The following SCD5 variants were observed in gnomAD, a reference collection of about 807,000 sequenced individuals.
SCD5 encodes the protein acyl-CoA-desaturase 4.
A neutral mutation model predicts 30.4 loss-of-function variants in SCD5; 20 were observed. The observed-to-expected ratio is 0.66, with a 90% CI of 0.46 to 0.96. SCD5 has a LOEUF of 0.96. Among genes scored for constraint, SCD5 ranks in the 40% least tolerant of loss-of-function variants. The pLI is 0.00. For synonymous variants in SCD5, 173 were observed against 176.4 expected (o/e 0.98, Z 0.16); for missense variants, 381 against 443.3 (o/e 0.86, Z 1.26).
At position 82,636,645 on chromosome 4, in the gene SCD5, A is replaced by G. The variant is rs1447776401; in HGVS notation, c.748T>C (p.Tyr250His). The G allele has an allele frequency of 1.9e-6, 3 of 1,614,186 alleles. No individual in the cohort carries two copies. The highest frequency in any genetic ancestry group is 1.1e-5 in the South Asian group (1 of 91,078). The change falls in exon 4 of 5, where the codon TAT becomes CAT. Residue 250 changes from tyrosine (Y) to histidine (H), a missense_variant. Transcript: ENST00000319540. ...TGCCGAGGGCTGATGTGCTTGTCATAGGGCCGGTTTCCATACATGTGGGCG... is the reference window on the plus strand; with the variant it reads ...TGCCGAGGGCTGATGTGCTTGTCATGGGGCCGGTTTCCATACATGTGGGCG... Reference protein sequence around the residue: ...SAAHMYGNRPYDKHISPRQNP... With the variant: ...SAAHMYGNRPHDKHISPRQNP...
intron 3 of SCD5, among the ~76,000 whole-genome samples, chr4:82,650,708 T>A (rs1270805670): frequency 6.6e-6 from 1 of 151,754 alleles, no homozygotes; most frequent in African/African-American, 2.4e-5. Flanking sequence ...AAAAAAAAAA[T>A]TATTGAGAAT....
chr4:82,756,882 T>C (rs1379190038), intron 1 of SCD5, among the ~76,000 whole-genome samples: 2 of 152,088 alleles, frequency 1.3e-5, no homozygotes, highest in Admixed American at 1.3e-4. Flanking sequence ...GTTGTTGTTG[T>C]TGAGAGAGGA....
At chr4:82,788,640 C>T (rs1722037062) in intron 1 of SCD5, among the ~76,000 whole-genome samples, 1 of 152,334 alleles carries the variant, frequency 6.6e-6, no homozygotes, top group Non-Finnish European at 1.5e-5. Context: ...ATCCACCCAC[C>T]TCAGTCTCCC....
At chr4:82,695,091 A>T (rs1719670584) in intron 2 of SCD5, among the ~76,000 whole-genome samples, 3 of 152,136 alleles carry the variant, frequency 2.0e-5, no homozygotes, top group Admixed American at 6.5e-5. Context: ...AACTTGTGGG[A>T]TCTGATGTTA....
At chr4:82,649,740 C>T (rs545927622) in intron 3 of SCD5, among the ~76,000 whole-genome samples, 2 of 152,092 alleles carry the variant, frequency 1.3e-5, no homozygotes, top group East Asian at 3.9e-4. Context: ...AGACCCATGC[C>T]TTCCTCCTCT....
At chr4:82,640,919 TG>T (rs1165957116) in intron 3 of SCD5, among the ~76,000 whole-genome samples, 1 of 152,132 alleles carries the variant, frequency 6.6e-6, no homozygotes, top group Admixed American at 6.5e-5. Flanking sequence ...CCTGTCTTTT[TG>T]CTAAATGGGT....
intron 1 of SCD5, among the ~76,000 whole-genome samples, chr4:82,745,626 ACCCATTAGCTATTCTT>A (rs930586618): frequency 6.6e-6 from 1 of 152,102 alleles, no homozygotes; most frequent in African/African-American, 2.4e-5. Flanking sequence ...TAAGACCAGC[ACCCATTAGCTATTCTT>A]CCCAATCCTC....
intron 1 of SCD5, among the ~76,000 whole-genome samples, chr4:82,764,730 C>CT (rs34219216): frequency 0.095 from 13,647 of 143,140 alleles, 701 homozygotes; most frequent in Middle Eastern, 0.19. Flanking sequence ...TCTTTTCTTT[C>CT]TTTTTTTTTT....
At chr4:82,679,897 G>C (rs938144294) in intron 3 of SCD5, among the ~76,000 whole-genome samples, 2 of 152,206 alleles carry the variant, frequency 1.3e-5, no homozygotes, top group African/African-American at 4.8e-5. Context: ...CATCAGTGGA[G>C]ATGGTCACTA....
chr4:82,779,666 G>T (rs751273114), intron 1 of SCD5, among the ~76,000 whole-genome samples: 1 of 152,118 alleles, frequency 6.6e-6, no homozygotes. Flanking sequence ...AAACCCTGAC[G>T]GCCCCTTAAC....
chr4:82,667,906 T>C (rs1301625326), intron 3 of SCD5, among the ~76,000 whole-genome samples: 3 of 152,080 alleles, frequency 2.0e-5, no homozygotes, highest in East Asian at 1.9e-4. Flanking sequence ...ACCAAAGATA[T>C]ACTGCCTCTC....
chr4:82,739,792 A>C (rs2148838469), intron 1 of SCD5, among the ~76,000 whole-genome samples: 1 of 152,318 alleles, frequency 6.6e-6, no homozygotes, highest in East Asian at 1.9e-4. Context: ...AAACTTGATA[A>C]TTTTTTTAGC....
intron 1 of SCD5, among the ~76,000 whole-genome samples, chr4:82,762,243 C>G (rs1231541937): frequency 1.5e-5 from 1 of 68,702 alleles, no homozygotes; most frequent in Non-Finnish European, 2.8e-5. Context: ...GAGGAGAGAC[C>G]TTACACTCAA....
At chr4:82,670,241 C>T (rs138896081) in intron 3 of SCD5, among the ~76,000 whole-genome samples, 275 of 152,160 alleles carry the variant, frequency 1.8e-3, no homozygotes, top group African/African-American at 6.3e-3. Flanking sequence ...CTATGATTAA[C>T]GGGCTAAGGG....
intron 1 of SCD5, among the ~76,000 whole-genome samples, chr4:82,729,829 C>T (rs1720588256): frequency 6.6e-6 from 1 of 152,192 alleles, no homozygotes; most frequent in African/African-American, 2.4e-5. Context: ...AGAGATAACT[C>T]TAGACCCTTA....
chr4:82,741,820 C>T (rs931400459), intron 1 of SCD5, among the ~76,000 whole-genome samples: 1 of 121,490 alleles, frequency 8.2e-6, no homozygotes, highest in African/African-American at 3.3e-5. Context: ...ATGCCTCCTC[C>T]AGATCAAGGA....
intron 3 of SCD5, among the ~76,000 whole-genome samples, chr4:82,651,209 T>C (rs1727744629): frequency 6.6e-6 from 1 of 152,210 alleles, no homozygotes; most frequent in South Asian, 2.1e-4. Flanking sequence ...ACCAAGACTC[T>C]TTGGACTATA....
intron 3 of SCD5, among the ~76,000 whole-genome samples, chr4:82,645,068 C>T (rs1428911592): frequency 6.6e-6 from 1 of 152,176 alleles, no homozygotes; most frequent in Admixed American, 6.5e-5. Context: ...AATTCCGGCA[C>T]TTTGGAAGGC....
intron 3 of SCD5, among the ~76,000 whole-genome samples, chr4:82,638,110 C>T (rs548668050): frequency 3.9e-5 from 6 of 152,216 alleles, no homozygotes; most frequent in African/African-American, 1.2e-4. Context: ...GTTTTCTGTT[C>T]CTGTGTTAAT....
Sources: gnomAD v4.1 joint callset for allele counts (sites outside exome capture counted in the v4.1 genomes callset) on GRCh38, gnomAD v4.1.1 for gene constraint, MANE v1.5 for transcripts, NCBI Gene and HGNC (gene_info 2026-07-23, HGNC 2026-07-21) for gene names.